The following AAGAB variants were observed in gnomAD, a reference collection of about 807,000 sequenced individuals.
The protein encoded by AAGAB is alpha- and gamma-adaptin-binding protein p34.
AAGAB carries 38 observed loss-of-function variants against 44.1 expected under a neutral mutation model. That is an observed-to-expected ratio of 0.86 (90% CI 0.67 to 1.13). The LOEUF (loss-of-function observed/expected upper bound fraction) is 1.13, where lower values mean the gene tolerates loss of function less well. AAGAB is among the 50% of genes most tolerant of loss of function. The pLI, the probability that AAGAB is intolerant of heterozygous loss-of-function variation, is 0.00. For synonymous variants in AAGAB, 131 were observed against 131.8 expected, an observed-to-expected ratio of 0.99 and a Z score of 0.04; for missense variants, 450 against 373.8, an observed-to-expected ratio of 1.20 and a Z score of -1.68.
At chr15:67,204,022 T>C in intron 8 of AAGAB, 22 bp downstream of exon 8, 1 of 1,419,730 alleles carries the variant, frequency 7.0e-7, no homozygotes, top group South Asian at 1.2e-5. Flanking sequence ...GGGAACATAT[T>C]AGACACAATG....
chr15:67,243,411 T>C (rs143354319), intron 1 of AAGAB, among the ~76,000 whole-genome samples: 2 of 152,178 alleles, frequency 1.3e-5, no homozygotes, highest in Admixed American at 6.5e-5. Context: ...CTGAATTCCA[T>C]TGCTAGTTCT....
chr15:67,200,883 T>C lies in AAGAB; in HGVS notation c.*1938A>G, dbSNP rs897699071. On this transcript the variant is annotated 3_prime_UTR_variant, in exon 10 of 10. Transcript: ENST00000261880. The stretch of plus-strand genomic sequence containing the variant: ...GGTCTTAAAAACATGACATTACATA[T>C]GCAGGGTAAATTCTAAAATAGTGAG... 1 of 152,336 alleles carries C rather than the reference T, an allele frequency of 6.6e-6. No individual in the cohort carries two copies. Among genetic ancestry groups the C allele is most frequent in the African/African-American group, 2.4e-5 (1 of 41,444 alleles). 9.4% of individuals were successfully genotyped at this position (152,336 alleles called of 1,614,324 possible).
At chr15:67,254,802 C>T, upstream of AAGAB, 11 of 1,411,798 alleles carry the variant, frequency 7.8e-6, no homozygotes, top group Non-Finnish European at 1.1e-5. Context: ...GGCCAGGTCG[C>T]GCGCGGTGTT....
At chr15:67,213,740 A>G (rs918950586) in intron 5 of AAGAB, among the ~76,000 whole-genome samples, 1 of 152,206 alleles carries the variant, frequency 6.6e-6, no homozygotes, top group Non-Finnish European at 1.5e-5. Flanking sequence ...AGGTATAACA[A>G]TATTTACCTT....
intron 5 of AAGAB, among the ~76,000 whole-genome samples, chr15:67,210,423 G>A (rs562297013): frequency 1.3e-5 from 2 of 152,026 alleles, no homozygotes; most frequent in East Asian, 3.9e-4. Flanking sequence ...GGCTGAGGCA[G>A]GAGAATCGCT....
chr15:67,229,907 C>T (rs1011115895), intron 5 of AAGAB, among the ~76,000 whole-genome samples: 1 of 152,014 alleles, frequency 6.6e-6, no homozygotes, highest in African/African-American at 2.4e-5. Flanking sequence ...AGTGCAGTGG[C>T]GCGATCTCGG....
At chr15:67,240,541 A>T (rs1386023869) in intron 1 of AAGAB, among the ~76,000 whole-genome samples, 1 of 152,208 alleles carries the variant, frequency 6.6e-6, no homozygotes, top group African/African-American at 2.4e-5. Flanking sequence ...ACAATAGTTA[A>T]TTTGTAGTGC....
intron 5 of AAGAB, chr15:67,221,118 T>C (rs753327898): frequency 3.9e-5 from 6 of 152,256 alleles, no homozygotes; most frequent in African/African-American, 7.2e-5. Flanking sequence ...CAATTCCCAT[T>C]CTTCCCATCC....
rs193265598 is a variant in AAGAB, at chr15:67,241,560, T to C, written c.74-4740A>G. 1.1e-4 allele frequency among the ~76,000 whole-genome samples: 16 copies of C among 151,996 alleles called. No homozygotes were observed. In the East Asian group the frequency reaches 1.7e-3, roughly 17 times the overall value. ...CGAGAAGGGAGAAGAGCATGGAAAA[T>C]AGACAGCACAGACCTGGGGTCGGAC... On this transcript the variant is annotated intron_variant, in intron 1 of 9. Transcript: ENST00000261880.
chr15:67,235,686 T>G (rs1488337052), intron 4 of AAGAB, among the ~76,000 whole-genome samples: 2 of 152,088 alleles, frequency 1.3e-5, no homozygotes, highest in African/African-American at 4.8e-5. Flanking sequence ...TCTTCAGCAG[T>G]AGGGAAAGGA....
chr15:67,208,667 G>A lies in AAGAB; in HGVS notation c.619-9C>T, dbSNP rs1327770588. ...GCTGGCAAATGGGGTTGCTGTTGAG[G>A]AAAATACACATAAGCAACAATTTAA... On this transcript the variant is annotated splice_polypyrimidine_tract_variant and intron_variant, in intron 6 of 9. Transcript: ENST00000261880. 3.7e-6 allele frequency: 6 copies of A among 1,610,420 alleles called. No homozygotes were observed. The highest frequency in any genetic ancestry group is 1.3e-5 in the African/African-American group (1 of 74,796).
At chr15:67,238,025 G>A (rs770452331) in intron 1 of AAGAB, among the ~76,000 whole-genome samples, 1 of 152,172 alleles carries the variant, frequency 6.6e-6, no homozygotes, top group East Asian at 1.9e-4. Flanking sequence ...ATATATACAT[G>A]CATGAATTCT....
At position 67,237,094 on chromosome 15, in the gene AAGAB, C is replaced by A. The variant is rs190553621; in HGVS notation, c.74-274G>T. On this transcript the variant is annotated intron_variant, in intron 1 of 9. Transcript: ENST00000261880. ...AGACAGTAGTAAAGGAAAAAACAGT[C>A]ATATAACCAAATATCCAGAAAAGAG... Among the ~76,000 whole-genome samples, 26 of 152,166 alleles carry A rather than the reference C, an allele frequency of 1.7e-4. 1 individual carries two copies. The East Asian group carries it at 4.6e-3, about 27-fold the overall frequency.
chr15:67,236,245 AAAGT>A (rs561525955), intron 3 of AAGAB, among the ~76,000 whole-genome samples, 159 bp downstream of exon 3: 100 of 152,376 alleles, frequency 6.6e-4, no homozygotes, highest in African/African-American at 2.2e-3. Flanking sequence ...TCTTAAAAAA[AAAGT>A]AAGTATTACA....
rs28693872 is a variant in AAGAB at position 67,209,444 on chromosome 15, T to G, written c.618+18A>C. 10 of 1,602,956 alleles carry G rather than the reference T, an allele frequency of 6.2e-6. No individual in the cohort carries two copies. The highest frequency in any genetic ancestry group is 8.5e-6 in the Non-Finnish European group (10 of 1,170,982). ...ATTAAAGCCAAAGAGGGAAAAAAGA[T>G]CCAAGAAAAACCTTTACCTCTGGGT... On this transcript the variant is annotated intron_variant, in intron 6 of 9. Coordinates refer to ENST00000261880, the MANE Select transcript of AAGAB (RefSeq NM_024666.5).
At chr15:67,225,943 C>T (rs377721276) in intron 5 of AAGAB, among the ~76,000 whole-genome samples, 92 of 152,250 alleles carry the variant, frequency 6.0e-4, no homozygotes, top group African/African-American at 2.1e-3. Flanking sequence ...TGAGCAACTA[C>T]TAAACTCTCT....
intron 5 of AAGAB, among the ~76,000 whole-genome samples, chr15:67,212,414 G>A (rs1963846085): frequency 6.6e-6 from 1 of 152,092 alleles, no homozygotes. Flanking sequence ...ATAAAATTAT[G>A]AAAAAGTCAA....
intron 4 of AAGAB, among the ~76,000 whole-genome samples, chr15:67,233,611 C>T (rs760206533): frequency 7.9e-5 from 12 of 152,252 alleles, no homozygotes; most frequent in Non-Finnish European, 1.8e-4. Context: ...CACAGAGTTA[C>T]ATGTCAGAAT....
intron 1 of AAGAB, among the ~76,000 whole-genome samples, chr15:67,237,802 T>C (rs1474652957): frequency 2.6e-5 from 4 of 152,156 alleles, no homozygotes; most frequent in African/African-American, 9.7e-5. Flanking sequence ...CACAAACTCC[T>C]CGTCAATGCA....
Sources: allele counts gnomAD v4.1 joint callset (sites outside exome capture counted in the v4.1 genomes callset), GRCh38; gene constraint gnomAD v4.1.1; transcripts MANE v1.5; gene names NCBI Gene and HGNC (gene_info 2026-07-23, HGNC 2026-07-21).